BTBD9: variants seen among roughly 807,000 people sequenced by gnomAD.
The protein encoded by BTBD9 is BTB domain containing 9, also known as BTB/POZ domain-containing protein 9.
In BTBD9, 49 loss-of-function variants were observed where a neutral mutation model predicts 64.3. The observed-to-expected ratio is 0.76, with a 90% CI of 0.61 to 0.97. BTBD9 has a LOEUF of 0.97. Ranked by LOEUF, BTBD9 falls within the 50% of genes least tolerant of loss-of-function variation. The pLI, the probability that BTBD9 is intolerant of heterozygous loss-of-function variation, is 0.00. For missense variants in BTBD9, 598 were observed against 762.1 expected (o/e 0.78, Z 2.53); for synonymous variants, 260 against 274.7 (o/e 0.95, Z 0.53).
intron 6 of BTBD9, among the ~76,000 whole-genome samples, chr6:38,517,405 A>T (rs1343244285): frequency 2.6e-5 from 4 of 152,168 alleles, no homozygotes; most frequent in African/African-American, 9.7e-5. Flanking sequence ...CTTGTCAGCT[A>T]CGTGCAGCCA....
chr6:38,603,215 C>T (rs1358914495), intron 1 of BTBD9, among the ~76,000 whole-genome samples: 1 of 152,042 alleles, frequency 6.6e-6, no homozygotes, highest in African/African-American at 2.4e-5. Flanking sequence ...TTCACGGTAC[C>T]ATACACAATT....
rs138941423 is a variant in BTBD9 at position 38,443,309 on chromosome 6, G to A, written c.1155-98216C>T. On this transcript the variant is annotated intron_variant, in intron 6 of 10. Coordinates refer to ENST00000481247, the MANE Select transcript of BTBD9 (RefSeq NM_001099272.2). Reference sequence around the variant, plus strand: ...TAGTTTAGGCTGGTCTTGCTTCTAGGTGAAGGGGTGAGAATATGTTTTCCC... The same window carrying A: ...TAGTTTAGGCTGGTCTTGCTTCTAGATGAAGGGGTGAGAATATGTTTTCCC... 1.6e-3 allele frequency among the ~76,000 whole-genome samples: 250 copies of A among 152,268 alleles called. 2 individuals carry two copies. The highest frequency in any genetic ancestry group is 0.01 in the Middle Eastern group (3 of 294).
At chr6:38,479,884 A>G (rs1771056324) in intron 6 of BTBD9, among the ~76,000 whole-genome samples, 1 of 152,100 alleles carries the variant, frequency 6.6e-6, no homozygotes, top group African/African-American at 2.4e-5. Context: ...GTGCACCACC[A>G]TGCCCAGCTA....
At chr6:38,287,498 C>T (rs1761790205) in intron 8 of BTBD9, among the ~76,000 whole-genome samples, 1 of 152,110 alleles carries the variant, frequency 6.6e-6, no homozygotes, top group African/African-American at 2.4e-5. Context: ...TATGTTTAGA[C>T]ATGTTCAGAT....
At chr6:38,304,944 G>A (rs1171597744) in intron 7 of BTBD9, among the ~76,000 whole-genome samples, 1 of 151,772 alleles carries the variant, frequency 6.6e-6, no homozygotes, top group Non-Finnish European at 1.5e-5. Flanking sequence ...CTGACAGCCA[G>A]AGATTCAGAA....
intron 7 of BTBD9, among the ~76,000 whole-genome samples, chr6:38,301,254 C>T (rs1310340352): frequency 2.0e-5 from 3 of 152,070 alleles, no homozygotes; most frequent in South Asian, 2.1e-4. Flanking sequence ...TTGCTGGATT[C>T]GGTTTGCCAG....
intron 6 of BTBD9, among the ~76,000 whole-genome samples, chr6:38,516,977 A>G (rs903006885): frequency 2.6e-5 from 4 of 152,230 alleles, no homozygotes; most frequent in African/African-American, 9.6e-5. Context: ...CATTGTAAGA[A>G]CTTACAGAAT....
Position 38,598,125 on chromosome 6 carries a change from T to A in BTBD9, c.-27-4A>T. The A allele has an allele frequency of 6.3e-7, 1 of 1,597,438 alleles. No individual in the cohort carries two copies. Among genetic ancestry groups the A allele is most frequent in the Non-Finnish European group, 8.6e-7 (1 of 1,169,394 alleles). ...GGAATAGACGATAGTCGTTGTTCTA[T>A]CATATAAAGAAGGAATGAGAGTTAG... On this transcript the variant is annotated splice_polypyrimidine_tract_variant and splice_region_variant and intron_variant, in intron 1 of 10. Transcript: ENST00000481247.
intron 6 of BTBD9, among the ~76,000 whole-genome samples, chr6:38,358,749 T>C (rs972141986): frequency 1.3e-5 from 2 of 151,558 alleles, no homozygotes; most frequent in African/African-American, 2.4e-5. Flanking sequence ...CAATAATAAA[T>C]GATTTCAATG....
intron 7 of BTBD9, among the ~76,000 whole-genome samples, chr6:38,321,915 T>C (rs1325964527): frequency 2.0e-5 from 3 of 151,976 alleles, no homozygotes; most frequent in Middle Eastern, 3.4e-3. Flanking sequence ...TCACTGTCAA[T>C]TCTTTCATCC....
intron 6 of BTBD9, among the ~76,000 whole-genome samples, chr6:38,461,632 T>C (rs930740287): frequency 1.3e-5 from 2 of 152,256 alleles, no homozygotes; most frequent in Admixed American, 1.3e-4. Context: ...CATTTATGTG[T>C]AAGTCTTTGT....
chr6:38,613,275 T>C (rs955956997), intron 1 of BTBD9, among the ~76,000 whole-genome samples: 3 of 152,198 alleles, frequency 2.0e-5, no homozygotes, highest in Non-Finnish European at 4.4e-5. Context: ...AGCGCTGCTT[T>C]AGAGATTGTC....
At chr6:38,434,826 G>A (rs553924605) in intron 6 of BTBD9, among the ~76,000 whole-genome samples, 24 of 151,894 alleles carry the variant, frequency 1.6e-4, no homozygotes, top group South Asian at 2.1e-4. Flanking sequence ...CTACAGTCCC[G>A]CAGTATCCAC....
chr6:38,386,176 A>G (rs1766160446), intron 6 of BTBD9, among the ~76,000 whole-genome samples: 1 of 152,150 alleles, frequency 6.6e-6, no homozygotes. Flanking sequence ...CCTTTATTTA[A>G]TTTTTGTTAT....
At chr6:38,587,731 A>T (rs988435058) in intron 4 of BTBD9, 1 of 669,848 alleles carries the variant, frequency 1.5e-6, no homozygotes, top group Non-Finnish European at 2.8e-6. Context: ...TTCCACTAAT[A>T]TTCCTGAAAA....
chr6:38,464,267 T>G (rs1770239378), intron 6 of BTBD9, among the ~76,000 whole-genome samples: 1 of 152,148 alleles, frequency 6.6e-6, no homozygotes, highest in African/African-American at 2.4e-5. Flanking sequence ...TTTCTGTTGT[T>G]TCATCTATCT....
chr6:38,632,006 T>C (rs62396378), intron 1 of BTBD9, among the ~76,000 whole-genome samples: 8,584 of 152,212 alleles, frequency 0.056, 371 homozygotes, highest in East Asian at 0.23. Flanking sequence ...CGCATGCCTG[T>C]AATCCCAGCT....
intron 5 of BTBD9, among the ~76,000 whole-genome samples, chr6:38,579,675 G>A (rs1776202614): frequency 2.0e-5 from 3 of 152,206 alleles, no homozygotes; most frequent in South Asian, 2.1e-4. Flanking sequence ...CATTTAAAAG[G>A]TTATAATATT....
At chr6:38,314,418 A>T (rs1314750300) in intron 7 of BTBD9, among the ~76,000 whole-genome samples, 1 of 150,292 alleles carries the variant, frequency 6.7e-6, no homozygotes, top group East Asian at 2.0e-4. Context: ...GATGAATTTT[A>T]TTTTTTTTTA....
Sources: allele counts gnomAD v4.1 joint callset (sites outside exome capture counted in the v4.1 genomes callset), GRCh38; gene constraint gnomAD v4.1.1; transcripts MANE v1.5; gene names NCBI Gene and HGNC (gene_info 2026-07-23, HGNC 2026-07-21).